TSHZ2: variants seen among roughly 807,000 people sequenced by gnomAD.
TSHZ2 encodes teashirt homolog 2.
Under a neutral mutation model 74.4 loss-of-function variants are expected in TSHZ2, and 21 were observed. That is an observed-to-expected ratio of 0.28 (90% confidence interval 0.20 to 0.41). The LOEUF (loss-of-function observed/expected upper bound fraction) is 0.41. Ranked by LOEUF, TSHZ2 falls within the 10% of genes least tolerant of loss-of-function variation. The probability of loss-of-function intolerance (pLI) is 1.00; values close to 1 mark genes in which losing one functional copy is unlikely to be tolerated. For synonymous variants in TSHZ2, 540 were observed against 515.3 expected (o/e 1.05, Z -0.65); for missense variants, 1,244 against 1,293.5 (o/e 0.96, Z 0.59).
intron 1 of TSHZ2, among the ~76,000 whole-genome samples, chr20:53,184,080 T>A (rs1361553742): frequency 1.3e-5 from 2 of 152,202 alleles, no homozygotes; most frequent in Non-Finnish European, 2.9e-5. Context: ...CATCTCAACT[T>A]GTATTTTGCC....
intron 2 of TSHZ2, among the ~76,000 whole-genome samples, chr20:53,379,042 T>G (rs1981763205): frequency 6.6e-6 from 1 of 152,164 alleles, no homozygotes. Context: ...ATTTTTTATT[T>G]TATGTTCTTC....
Position 52,973,216 on chromosome 20 carries a change from AG to A in TSHZ2, c.-77del. On this transcript the variant is annotated 5_prime_UTR_variant, in exon 1 of 3. The change abolishes the stop of an existing upstream ORF in the 5' untranslated region. Transcript: ENST00000371497. ...CGGGCAAGAGGCGGAGGAGACCCAG[AG>A]AGGCCAGAGAGACAGCGGGCCCCAG... 2 of 1,539,322 alleles carry A rather than the reference AG, an allele frequency of 1.3e-6. No individual in the cohort carries two copies. The highest frequency in any genetic ancestry group is 1.7e-4 in the Middle Eastern group (1 of 5,902).
At chr20:53,434,885 G>A (rs1012773570) in intron 2 of TSHZ2, among the ~76,000 whole-genome samples, 3 of 152,218 alleles carry the variant, frequency 2.0e-5, no homozygotes, top group Non-Finnish European at 4.4e-5. Context: ...GTGTGCTGAC[G>A]GGCCTCAGCT....
chr20:53,320,643 G>C (rs1280961957), intron 2 of TSHZ2, among the ~76,000 whole-genome samples: 1 of 152,198 alleles, frequency 6.6e-6, no homozygotes, highest in East Asian at 1.9e-4. Context: ...AGAAAGGGGA[G>C]ATAACAAGTG....
chr20:53,490,878 A>G lies in TSHZ2; in HGVS notation c.*3743A>G, dbSNP rs921777375. ...TGTTATTTTCCAGGGTCTATGGACA[A>G]TGTGGCAGTAAGAGTCTATGATGTT... On this transcript the variant is annotated 3_prime_UTR_variant, in exon 3 of 3. Coordinates refer to ENST00000371497, the MANE Select transcript of TSHZ2 (RefSeq NM_173485.6). 4.6e-5 allele frequency: 7 copies of G among 152,220 alleles called. No homozygotes were observed. The highest frequency in any genetic ancestry group is 1.7e-4 in the African/African-American group (7 of 41,460). The allele number at this position is 152,220 out of a possible 1,614,324, so 9.4% of individuals were successfully genotyped here.
At chr20:53,171,391 C>T (rs968663274) in intron 1 of TSHZ2, among the ~76,000 whole-genome samples, 1 of 152,126 alleles carries the variant, frequency 6.6e-6, no homozygotes, top group African/African-American at 2.4e-5. Flanking sequence ...CTTTTAATTG[C>T]AATTATGGTC....
At chr20:53,428,552 T>A (rs977676345) in intron 2 of TSHZ2, among the ~76,000 whole-genome samples, 2 of 152,232 alleles carry the variant, frequency 1.3e-5, no homozygotes, top group African/African-American at 4.8e-5. Context: ...GAATTGCAGA[T>A]AACTTATTCC....
At chr20:53,190,551 C>T (rs1441773654) in intron 1 of TSHZ2, among the ~76,000 whole-genome samples, 1 of 152,050 alleles carries the variant, frequency 6.6e-6, no homozygotes, top group East Asian at 1.9e-4. Flanking sequence ...ACTGTCGAGA[C>T]CTTTAAAAAT....
chr20:53,447,500 T>C lies in TSHZ2; in HGVS notation c.*9-39644T>C, dbSNP rs183306588. ...TGGTACAATTATCACAAGCAGGAAATTAACACTGGCTCAATACTAGTCACC... is the reference window on the plus strand; with the variant it reads ...TGGTACAATTATCACAAGCAGGAAACTAACACTGGCTCAATACTAGTCACC... On this transcript the variant is annotated intron_variant, in intron 2 of 2. Transcript: ENST00000371497. Among the ~76,000 whole-genome samples the C allele has an allele frequency of 4.0e-4, 61 of 152,312 alleles. No individual in the cohort carries two copies. In the East Asian group the frequency reaches 0.011, roughly 28 times the overall value.
At chr20:53,174,672 T>C (rs1988283529) in intron 1 of TSHZ2, among the ~76,000 whole-genome samples, 1 of 152,210 alleles carries the variant, frequency 6.6e-6, no homozygotes, top group African/African-American at 2.4e-5. Flanking sequence ...CTCTGGGACA[T>C]GCTCAGGGTT....
At position 53,394,381 on chromosome 20, in the gene TSHZ2, T is replaced by G. The variant is rs191546109; in HGVS notation, c.*9-92763T>G. 6.0e-5 allele frequency among the ~76,000 whole-genome samples: 9 copies of G among 150,648 alleles called. No homozygotes were observed. The East Asian group carries it at 1.7e-3, about 29-fold the overall frequency. On this transcript the variant is annotated intron_variant, in intron 2 of 2. Coordinates refer to ENST00000371497, the MANE Select transcript of TSHZ2 (RefSeq NM_173485.6). ...AGTTTTATTATTTTTATGTGTACTATTAAAACTGAAAATAAGTTGTCTATA... is the reference window on the plus strand; with the variant it reads ...AGTTTTATTATTTTTATGTGTACTAGTAAAACTGAAAATAAGTTGTCTATA...
intron 1 of TSHZ2, among the ~76,000 whole-genome samples, chr20:52,991,579 G>A (rs1429039108): frequency 6.7e-6 from 1 of 149,770 alleles, no homozygotes; most frequent in African/African-American, 2.5e-5. Flanking sequence ...GAGAGAGAGT[G>A]TGAAAGCTTT....
At chr20:53,088,678 C>A (rs1253170850) in intron 1 of TSHZ2, among the ~76,000 whole-genome samples, 1 of 152,130 alleles carries the variant, frequency 6.6e-6, no homozygotes, top group Non-Finnish European at 1.5e-5. Flanking sequence ...ACTTCCCTTT[C>A]CCCCATATGA....
In TSHZ2 at chr20:53,492,609, A is replaced by G. The variant is rs986412301; in HGVS notation, c.*5474A>G. 4 of 152,276 alleles carry G rather than the reference A, an allele frequency of 2.6e-5. No homozygotes were observed. Among genetic ancestry groups the G allele is most frequent in the African/African-American group, 4.8e-5 (2 of 41,564 alleles). The allele number at this position is 152,276 out of a possible 1,614,324, so 9.4% of individuals were successfully genotyped here. On this transcript the variant is annotated 3_prime_UTR_variant, in exon 3 of 3. Transcript: ENST00000371497. ...TAACAGCCAGGCACTGTTGACATGA[A>G]TCATTAACTTCCAAACCCCTTTAAA...
intron 1 of TSHZ2, among the ~76,000 whole-genome samples, chr20:53,001,230 G>GTGTATGTGTGTGTGTGTGTGTA (rs1555813622): frequency 6.3e-5 from 8 of 126,210 alleles, no homozygotes; most frequent in South Asian, 2.4e-4. Context: ...GTGTGTGTGT[G>GTGTATGTGTGTGTGTGTGTGTA]TGTGTGTGTG....
At chr20:53,317,189 G>C (rs1455933861) in intron 2 of TSHZ2, among the ~76,000 whole-genome samples, 1 of 152,116 alleles carries the variant, frequency 6.6e-6, no homozygotes, top group Non-Finnish European at 1.5e-5. Context: ...GTGTAGTCCA[G>C]GCCACAGGAC....
chr20:53,392,799 T>A (rs1160032291), intron 2 of TSHZ2, among the ~76,000 whole-genome samples: 4 of 152,170 alleles, frequency 2.6e-5, no homozygotes, highest in African/African-American at 9.7e-5. Flanking sequence ...CAGATAATTT[T>A]GTCACCCAGG....
At chr20:53,328,729 T>C (rs906071832) in intron 2 of TSHZ2, among the ~76,000 whole-genome samples, 1 of 152,236 alleles carries the variant, frequency 6.6e-6, no homozygotes, top group African/African-American at 2.4e-5. Context: ...TTAATCACAG[T>C]AGCCATTCTA....
intron 2 of TSHZ2, among the ~76,000 whole-genome samples, chr20:53,282,135 T>C (rs1174515547): frequency 1.3e-5 from 2 of 152,208 alleles, no homozygotes; most frequent in Admixed American, 1.3e-4. Context: ...TAGAAAAATG[T>C]CTCAGTTTCC....
Sources: allele counts gnomAD v4.1 joint callset (sites outside exome capture counted in the v4.1 genomes callset), GRCh38; gene constraint gnomAD v4.1.1; transcripts MANE v1.5; gene names NCBI Gene and HGNC (gene_info 2026-07-23, HGNC 2026-07-21).